The following UBXN2A variants were observed in gnomAD, a reference collection of about 807,000 sequenced individuals.
UBXN2A encodes the protein UBX domain protein 2A.
A neutral mutation model predicts 28.4 loss-of-function variants in UBXN2A; 28 were observed. The observed-to-expected ratio is 0.99, with a 90% confidence interval of 0.73 to 1.35. The LOEUF is 1.35. Ranked by LOEUF, UBXN2A falls within the 40% of genes most tolerant of loss-of-function variation. UBXN2A has a pLI of 0.00. For synonymous variants in UBXN2A, 97 were observed against 103.6 expected (o/e 0.94, Z 0.39); for missense variants, 253 against 297.9 (o/e 0.85, Z 1.11).
At chr2:23,945,639 C>A (rs1422115062) in intron 1 of UBXN2A, among the ~76,000 whole-genome samples, 2 of 151,994 alleles carry the variant, frequency 1.3e-5, no homozygotes, top group Non-Finnish European at 1.5e-5. Context: ...ATAAAGGTAG[C>A]ATGTCTGATT....
At position 23,993,746 on chromosome 2, in the gene UBXN2A, G is replaced by A. The variant is rs192595520; in HGVS notation, c.585-5926G>A. 1.5e-4 allele frequency among the ~76,000 whole-genome samples: 23 copies of A among 148,468 alleles called. No homozygotes were observed. The East Asian group carries it at 4.2e-3, about 27-fold the overall frequency. On this transcript the variant is annotated intron_variant, in intron 6 of 6. Transcript: ENST00000309033. ...CTCTGTCACCTGGTTGGAGCGCAGC[G>A]GAGTGATCTCAGCACACTGCGACCT...
At chr2:23,976,594 G>A (rs982923659) in intron 3 of UBXN2A, among the ~76,000 whole-genome samples, 3 of 152,234 alleles carry the variant, frequency 2.0e-5, no homozygotes, top group Middle Eastern at 6.8e-3. Flanking sequence ...ACCAGATCTC[G>A]TGAGACTTAT....
At chr2:23,988,554 C>A (rs1432880057) in intron 6 of UBXN2A, among the ~76,000 whole-genome samples, 4 of 152,026 alleles carry the variant, frequency 2.6e-5, no homozygotes, top group African/African-American at 9.7e-5. Context: ...TGCTTTGTAC[C>A]TCTCATTGTA....
At chr2:23,959,629 C>T (rs1004527113) in intron 2 of UBXN2A, among the ~76,000 whole-genome samples, 1 of 152,102 alleles carries the variant, frequency 6.6e-6, no homozygotes, top group African/African-American at 2.4e-5. Context: ...TAATTTATTA[C>T]AGTGAAGGGT....
chr2:23,995,535 C>CA (rs1202062112), intron 6 of UBXN2A, among the ~76,000 whole-genome samples: 4 of 151,062 alleles, frequency 2.6e-5, no homozygotes, highest in South Asian at 2.1e-4. Context: ...ACTAAAAATA[C>CA]AAAAAAAATT....
rs966121477 is a variant in UBXN2A at position 23,940,503 on chromosome 2, C to T, written c.-160C>T. On this transcript the variant is annotated 5_prime_UTR_variant, in exon 1 of 7. Transcript: ENST00000309033. Reference sequence around the variant, plus strand: ...GAAGACCGAGAGAGGCTGGCGGGATCTCAGCGGCGCGGCCGCGGAACCTGA... The same window carrying T: ...GAAGACCGAGAGAGGCTGGCGGGATTTCAGCGGCGCGGCCGCGGAACCTGA... The T allele has an allele frequency of 6.6e-6, 1 of 151,260 alleles. No individual in the cohort carries two copies. Among genetic ancestry groups the T allele is most frequent in the African/African-American group, 2.4e-5 (1 of 41,340 alleles). The allele number at this position is 151,260 out of a possible 1,614,324, so 9.4% of individuals were successfully genotyped here.
chr2:23,946,336 GTT>G (rs113243659), intron 1 of UBXN2A, among the ~76,000 whole-genome samples: 2 of 139,914 alleles, frequency 1.4e-5, no homozygotes, highest in African/African-American at 2.6e-5. Flanking sequence ...GTTTTTTGTT[GTT>G]TTTTTTTTTT....
chr2:23,996,445 C>G (rs191959265), intron 6 of UBXN2A, among the ~76,000 whole-genome samples: 16 of 150,424 alleles, frequency 1.1e-4, no homozygotes, highest in African/African-American at 3.7e-4. Flanking sequence ...ATTATGCCTT[C>G]TCTTTTTCTG....
chr2:23,973,377 C>T lies in UBXN2A; in HGVS notation c.180+1963C>T, dbSNP rs1442866508. Among the ~76,000 whole-genome samples the T allele has an allele frequency of 1.1e-4, 17 of 150,000 alleles. No homozygotes were observed. The Admixed American group carries it at 1.1e-3, about 10-fold the overall frequency. On this transcript the variant is annotated intron_variant, in intron 3 of 6. Transcript: ENST00000309033. ...TCTCTGAGACAGAGTCTCGCTGTGT[C>T]GCCCAGGCTGGAGTGCAGTGGTGCG...
At chr2:23,949,240 G>T (rs1005116556) in intron 1 of UBXN2A, among the ~76,000 whole-genome samples, 2 of 151,256 alleles carry the variant, frequency 1.3e-5, no homozygotes, top group Non-Finnish European at 2.9e-5. Flanking sequence ...GGGATTACAG[G>T]CATGAGCCAC....
intron 2 of UBXN2A, among the ~76,000 whole-genome samples, chr2:23,960,588 T>C (rs1446701827): frequency 1.3e-5 from 2 of 152,112 alleles, no homozygotes; most frequent in Admixed American, 6.6e-5. Context: ...CCATATCCAT[T>C]AGCAATCCCA....
At chr2:23,934,461 C>A (rs1448264312) in intron 1 of UBXN2A, among the ~76,000 whole-genome samples, 1 of 152,130 alleles carries the variant, frequency 6.6e-6, no homozygotes, top group Non-Finnish European at 1.5e-5. Context: ...AGGAAATGCT[C>A]AAAGATGCTC....
At chr2:23,986,387 G>T (rs993525928) in intron 6 of UBXN2A, among the ~76,000 whole-genome samples, 5 of 151,810 alleles carry the variant, frequency 3.3e-5, no homozygotes, top group African/African-American at 4.8e-5. Context: ...CTCATCATTT[G>T]ATTCATTTTT....
At chr2:23,938,959 T>G (rs149929816), upstream of UBXN2A, among the ~76,000 whole-genome samples, 1 of 152,216 alleles carries the variant, frequency 6.6e-6, no homozygotes, top group African/African-American at 2.4e-5. Context: ...ACAGACACGG[T>G]CTCATGAGCA....
In UBXN2A at chr2:23,987,987, G is replaced by A. The variant is rs542533296; in HGVS notation, c.584+3156G>A. 5.9e-5 allele frequency among the ~76,000 whole-genome samples: 9 copies of A among 151,676 alleles called. No homozygotes were observed. In the East Asian group the frequency reaches 1.7e-3, roughly 29 times the overall value. ...AAATACAAAAAATTAGCTGGCCGTC[G>A]TGGCGTATGTCTGTAATCTCAGCTA... On this transcript the variant is annotated intron_variant, in intron 6 of 6. Coordinates refer to ENST00000309033, the MANE Select transcript of UBXN2A (RefSeq NM_181713.4).
In UBXN2A at chr2:23,985,824, C is replaced by T. The variant is rs190282337; in HGVS notation, c.584+993C>T. The stretch of plus-strand genomic sequence containing the variant: ...CAGCCTGGGCCATATAGTGAGACCT[C>T]GTGTCTACAAAAAAATTTTTTTAAA... On this transcript the variant is annotated intron_variant, in intron 6 of 6. Coordinates refer to ENST00000309033, the MANE Select transcript of UBXN2A (RefSeq NM_181713.4). 1.7e-4 allele frequency among the ~76,000 whole-genome samples: 26 copies of T among 151,968 alleles called. No individual in the cohort carries two copies. In the East Asian group the frequency reaches 4.1e-3, roughly 24 times the overall value.
At chr2:23,978,089 A>G (rs1260938708) in intron 4 of UBXN2A, among the ~76,000 whole-genome samples, 1 of 152,014 alleles carries the variant, frequency 6.6e-6, no homozygotes, top group Non-Finnish European at 1.5e-5. Context: ...CTGCCTCCCA[A>G]ATTGCTGAGA....
chr2:23,972,599 G>A (rs184426536), intron 3 of UBXN2A, among the ~76,000 whole-genome samples: 1 of 152,230 alleles, frequency 6.6e-6, no homozygotes, highest in Non-Finnish European at 1.5e-5. Flanking sequence ...TGAGGCGGGT[G>A]GATCACGAGG....
intron 1 of UBXN2A, among the ~76,000 whole-genome samples, chr2:23,948,807 G>T (rs1291781719): frequency 6.6e-6 from 1 of 152,122 alleles, no homozygotes; most frequent in Admixed American, 6.6e-5. Flanking sequence ...CTCTTTTGCT[G>T]TCATAAAACA....
Sources: allele counts gnomAD v4.1 joint callset (sites outside exome capture counted in the v4.1 genomes callset), GRCh38; gene constraint gnomAD v4.1.1; transcripts MANE v1.5; gene names NCBI Gene and HGNC (gene_info 2026-07-23, HGNC 2026-07-21).